ITGA4: variants seen among roughly 807,000 people sequenced by gnomAD.
The protein encoded by ITGA4 is integrin subunit alpha 4.
A neutral mutation model predicts 133.6 loss-of-function variants in ITGA4; 63 were observed. That is an observed-to-expected ratio of 0.47 (90% confidence interval 0.38 to 0.58). The LOEUF is 0.58. Ranked by LOEUF, ITGA4 falls within the 20% of genes least tolerant of loss-of-function variation. The pLI is 0.00. For missense variants in ITGA4, 1,076 were observed against 1,252.7 expected (o/e 0.86, Z 2.13); for synonymous variants, 483 against 438.0 (o/e 1.10, Z -1.28).
intron 2 of ITGA4, 53 bp from the exon 3 acceptor site, chr2:181,474,907 C>A: frequency 7.1e-6 from 10 of 1,409,126 alleles, no homozygotes; most frequent in Non-Finnish European, 9.0e-6. Context: ...GTTTTCTCTT[C>A]TTTTGTAGAA....
At position 181,535,627 on chromosome 2, in the gene ITGA4, T is replaced by G; in HGVS notation, c.*100T>G. ...AGAAAAAATGAATTTTGTTTGGACT[T>G]CTTTTACTCATGATCTTGTGACATA... is the stretch of plus-strand genomic sequence containing the variant. On this transcript the variant is annotated 3_prime_UTR_variant, in exon 28 of 28. Transcript: ENST00000397033. 7.0e-7 allele frequency: 1 copy of G among 1,426,864 alleles called. No homozygotes were observed. The highest frequency in any genetic ancestry group is 9.4e-7 in the Non-Finnish European group (1 of 1,067,522). 88.4% of individuals were successfully genotyped at this position (1,426,864 alleles called of 1,614,324 possible).
intron 15 of ITGA4, among the ~76,000 whole-genome samples, chr2:181,507,756 T>C (rs983667839): frequency 6.6e-6 from 1 of 152,100 alleles, no homozygotes; most frequent in African/African-American, 2.4e-5. Context: ...TAGGGAATAA[T>C]GACAAGAAAA....
At chr2:181,512,287 T>C (rs1206933198) in intron 17 of ITGA4, among the ~76,000 whole-genome samples, 1 of 152,056 alleles carries the variant, frequency 6.6e-6, no homozygotes, top group Non-Finnish European at 1.5e-5. Context: ...AGAAGATGCA[T>C]CAGTGACAGG....
intron 16 of ITGA4, among the ~76,000 whole-genome samples, chr2:181,510,948 T>G (rs1269946921): frequency 6.6e-6 from 1 of 152,006 alleles, no homozygotes; most frequent in East Asian, 1.9e-4. Flanking sequence ...AGAGAGATAT[T>G]TACACCTCTC....
chr2:181,471,838 G>A (rs1685559797), intron 2 of ITGA4, among the ~76,000 whole-genome samples: 1 of 152,122 alleles, frequency 6.6e-6, no homozygotes, highest in South Asian at 2.1e-4. Flanking sequence ...TGTGGCTTCT[G>A]GAGGGCTAAT....
At chr2:181,533,742 C>CTAAA in intron 25 of ITGA4, among the ~76,000 whole-genome samples, 1 of 152,246 alleles carries the variant, frequency 6.6e-6, no homozygotes, top group South Asian at 2.1e-4. Context: ...AAGAATCTGA[C>CTAAA]TAAATATATT....
chr2:181,530,720 A>G lies in ITGA4; in HGVS notation c.2664+71A>G, dbSNP rs1024089455. On this transcript the variant is annotated intron_variant, in intron 24 of 27. Coordinates refer to ENST00000397033, the MANE Select transcript of ITGA4 (RefSeq NM_000885.6). ...AAGTGAGACACTTAAAATCAAGTCA[A>G]TGGGTTTGAGCTGTCACTTCAATAA... The G allele has an allele frequency of 2.1e-5, 29 of 1,406,514 alleles. No individual in the cohort carries two copies. In the African/African-American group the frequency reaches 4.0e-4, roughly 19 times the overall value. The allele number at this position is 1,406,514 out of a possible 1,614,324, so 87.1% of individuals were successfully genotyped here.
chr2:181,510,338 C>T (rs929011075), intron 16 of ITGA4, among the ~76,000 whole-genome samples: 4 of 152,076 alleles, frequency 2.6e-5, no homozygotes, highest in Non-Finnish European at 5.9e-5. Context: ...GGATCAATTG[C>T]ATTTGAGATG....
At chr2:181,480,846 C>T (rs1228455617) in intron 6 of ITGA4, among the ~76,000 whole-genome samples, 1 of 152,102 alleles carries the variant, frequency 6.6e-6, no homozygotes, top group East Asian at 1.9e-4. Flanking sequence ...TCACTGTCAT[C>T]TCATAAGTCA....
Position 181,535,640 on chromosome 2 carries a change from A to T in ITGA4, c.*113A>T, listed in dbSNP as rs1687053489. On this transcript the variant is annotated 3_prime_UTR_variant, in exon 28 of 28. Transcript: ENST00000397033. ...TTTGTTTGGACTTCTTTTACTCATGATCTTGTGACATATTATGTCTTCATG... is the reference window on the plus strand; with the variant it reads ...TTTGTTTGGACTTCTTTTACTCATGTTCTTGTGACATATTATGTCTTCATG... 7.4e-7 allele frequency: 1 copy of T among 1,344,120 alleles called. No individual in the cohort carries two copies. The highest frequency in any genetic ancestry group is 1.5e-5 in the African/African-American group (1 of 68,580). The allele number at this position is 1,344,120 out of a possible 1,614,324, so 83.3% of individuals were successfully genotyped here.
intron 10 of ITGA4, among the ~76,000 whole-genome samples, chr2:181,492,490 A>G (rs186662290): frequency 6.6e-6 from 1 of 152,342 alleles, no homozygotes; most frequent in East Asian, 1.9e-4. Context: ...ACCATTGCAT[A>G]TAAGTAAATA....
intron 2 of ITGA4, among the ~76,000 whole-genome samples, chr2:181,460,478 G>A (rs1328147886): frequency 6.6e-6 from 1 of 151,888 alleles, no homozygotes; most frequent in Non-Finnish European, 1.5e-5. Context: ...GATAATTTAG[G>A]ATTCTTAGGT....
chr2:181,478,561 A>G (rs1685733558), intron 4 of ITGA4, among the ~76,000 whole-genome samples, 196 bp from the exon 5 acceptor site: 1 of 151,978 alleles, frequency 6.6e-6, no homozygotes. Flanking sequence ...AGAGGGAGAT[A>G]TTTTTATTGC....
At chr2:181,486,288 TG>T in intron 10 of ITGA4, 1 of 248,864 alleles carries the variant, frequency 4.0e-6, no homozygotes, top group Non-Finnish European at 7.6e-6. Context: ...CCTATTAAGC[TG>T]TTACACCCAC....
At chr2:181,465,297 C>T (rs1173560353) in intron 2 of ITGA4, among the ~76,000 whole-genome samples, 1 of 152,136 alleles carries the variant, frequency 6.6e-6, no homozygotes, top group African/African-American at 2.4e-5. Flanking sequence ...TGTAACTCCT[C>T]ATCTCATTCT....
chr2:181,472,024 A>G (rs1685565815), intron 2 of ITGA4, among the ~76,000 whole-genome samples: 1 of 152,186 alleles, frequency 6.6e-6, no homozygotes, highest in Non-Finnish European at 1.5e-5. Context: ...ACTCATGTGG[A>G]GAGAAAGAAG....
Position 181,525,282 on chromosome 2 carries a change from C to A in ITGA4, c.2330C>A (p.Thr777Asn). 6.4e-7 allele frequency: 1 copy of A among 1,564,984 alleles called. No homozygotes were observed. The highest frequency in any genetic ancestry group is 2.3e-5 in the East Asian group (1 of 44,434). The part of the protein sequence containing the change: ...AIPLKYEVKL[T>N]VHGFVNPTSF... The stretch of plus-strand genomic sequence containing the variant: ...CCTTTAAAATATGAGGTTAAGCTGA[C>A]TGTTCATGGGTAAGTAGACATAAAG... Residue 777 changes from threonine (T) to asparagine (N), a missense_variant, in exon 21 of 28, where the codon ACT becomes AAT. Coordinates refer to ENST00000397033, the MANE Select transcript of ITGA4 (RefSeq NM_000885.6).
At chr2:181,463,470 C>T (rs1450036162) in intron 2 of ITGA4, among the ~76,000 whole-genome samples, 2 of 152,058 alleles carry the variant, frequency 1.3e-5, no homozygotes, top group East Asian at 1.9e-4. Context: ...TGTACAAGGA[C>T]ACTGGCAATA....
rs1326875167 is a variant in ITGA4 at position 181,480,070 on chromosome 2, G to A, written c.625-67G>A. 4.6e-6 allele frequency: 5 copies of A among 1,094,026 alleles called. No individual in the cohort carries two copies. The East Asian group carries it at 1.4e-4, about 30-fold the overall frequency. 67.8% of individuals were successfully genotyped at this position (1,094,026 alleles called of 1,614,324 possible). On this transcript the variant is annotated intron_variant, in intron 5 of 27. Coordinates refer to ENST00000397033, the MANE Select transcript of ITGA4 (RefSeq NM_000885.6). Reference sequence around the variant, plus strand: ...AAAAATATGTTCTCTTCACTATCGTGTATCTGGAGGAGGTTTGGGGTGGTG... The same window carrying A: ...AAAAATATGTTCTCTTCACTATCGTATATCTGGAGGAGGTTTGGGGTGGTG...
Sources: allele counts gnomAD v4.1 joint callset (sites outside exome capture counted in the v4.1 genomes callset), GRCh38; gene constraint gnomAD v4.1.1; transcripts MANE v1.5; gene names NCBI Gene and HGNC (gene_info 2026-07-23, HGNC 2026-07-21).